Variants in MGAT4C observed in about 807,000 individuals in gnomAD.
MGAT4C encodes MGAT4 family member C.
A neutral mutation model predicts 40.1 loss-of-function variants in MGAT4C; 19 were observed. The observed-to-expected ratio is 0.47, with a 90% CI of 0.33 to 0.70. The LOEUF (loss-of-function observed/expected upper bound fraction) is 0.70. Among genes scored for constraint, MGAT4C ranks in the 30% least tolerant of loss-of-function variants. The pLI, the probability that MGAT4C is intolerant of heterozygous loss-of-function variation, is 0.02. For missense variants in MGAT4C, 491 were observed against 563.2 expected, an observed-to-expected ratio of 0.87 and a Z score of 1.30; for synonymous variants, 181 against 187.1, an observed-to-expected ratio of 0.97 and a Z score of 0.27.
intron 2 of MGAT4C, among the ~76,000 whole-genome samples, chr12:86,550,637 A>C (rs1325069470): frequency 6.6e-6 from 1 of 152,172 alleles, no homozygotes; most frequent in East Asian, 1.9e-4. Flanking sequence ...CACTGTGCTA[A>C]GCTTGGCCCA....
intron 3 of MGAT4C, among the ~76,000 whole-genome samples, chr12:86,338,236 G>A (rs1442659209): frequency 6.6e-6 from 1 of 152,154 alleles, no homozygotes; most frequent in African/African-American, 2.4e-5. Context: ...CAGGGATGAA[G>A]TCATAGGGAG....
At chr12:86,478,642 T>C (rs571283740) in intron 2 of MGAT4C, among the ~76,000 whole-genome samples, 3 of 152,246 alleles carry the variant, frequency 2.0e-5, no homozygotes, top group East Asian at 3.9e-4. Context: ...TTACTGCCCA[T>C]GGCAATTCAA....
At chr12:86,500,956 T>C (rs1290435825) in intron 2 of MGAT4C, among the ~76,000 whole-genome samples, 1 of 152,038 alleles carries the variant, frequency 6.6e-6, no homozygotes, top group African/African-American at 2.4e-5. Flanking sequence ...AAAAATGAAA[T>C]AGATAATAGT....
At chr12:86,183,802 C>T (rs1888404140) in intron 1 of MGAT4C, among the ~76,000 whole-genome samples, 1 of 152,138 alleles carries the variant, frequency 6.6e-6, no homozygotes, top group East Asian at 1.9e-4. Flanking sequence ...TTATAAAGCC[C>T]TAAATTCTAT....
intron 4 of MGAT4C, among the ~76,000 whole-genome samples, chr12:86,270,957 G>A (rs1328989879): frequency 1.3e-5 from 2 of 152,028 alleles, no homozygotes; most frequent in Admixed American, 6.5e-5. Flanking sequence ...AAAAATTGGA[G>A]AGCCAAATGC....
chr12:86,138,570 A>T (rs1882353057), intron 1 of MGAT4C, among the ~76,000 whole-genome samples: 1 of 147,794 alleles, frequency 6.8e-6, no homozygotes, highest in Non-Finnish European at 1.5e-5. Context: ...ATATTTCCAT[A>T]GATATATCAT....
intron 1 of MGAT4C, among the ~76,000 whole-genome samples, chr12:86,800,247 T>C (rs571149500): frequency 6.6e-6 from 1 of 151,934 alleles, no homozygotes; most frequent in South Asian, 2.1e-4. Flanking sequence ...TGGCTCCAAC[T>C]CTCACTAAAG....
At chr12:86,790,628 T>G (rs2136192456) in intron 1 of MGAT4C, among the ~76,000 whole-genome samples, 1 of 152,224 alleles carries the variant, frequency 6.6e-6, no homozygotes, top group African/African-American at 2.4e-5. Flanking sequence ...AAGGTATATC[T>G]CTGAAACCAT....
intron 2 of MGAT4C, among the ~76,000 whole-genome samples, chr12:86,553,228 A>G (rs1959450451): frequency 6.6e-6 from 1 of 152,062 alleles, no homozygotes; most frequent in Non-Finnish European, 1.5e-5. Context: ...AAATTCTATT[A>G]ATTCTAATTG....
At chr12:86,260,521 T>C (rs1211382683), upstream of MGAT4C, among the ~76,000 whole-genome samples, 1 of 152,166 alleles carries the variant, frequency 6.6e-6, no homozygotes, top group African/African-American at 2.4e-5. Flanking sequence ...AATTTCCTAA[T>C]AGAAAGAAAC....
chr12:86,446,548 G>A (rs1300032547), intron 2 of MGAT4C, among the ~76,000 whole-genome samples: 1 of 149,712 alleles, frequency 6.7e-6, no homozygotes, highest in African/African-American at 2.4e-5. Context: ...TTGTCTTATT[G>A]CTTTTTTACT....
intron 1 of MGAT4C, among the ~76,000 whole-genome samples, chr12:86,125,893 T>C (rs758856821): frequency 6.6e-6 from 1 of 151,990 alleles, no homozygotes. Flanking sequence ...AAAATTTCTA[T>C]TGGAAATCAG....
At chr12:86,836,288 C>T (rs924571301) in intron 1 of MGAT4C, among the ~76,000 whole-genome samples, 2 of 151,966 alleles carry the variant, frequency 1.3e-5, no homozygotes, top group African/African-American at 4.8e-5. Context: ...ATGTTTCATA[C>T]CTATAATGCA....
chr12:86,160,625 C>CAA (rs1885489672), intron 1 of MGAT4C, among the ~76,000 whole-genome samples: 1 of 151,898 alleles, frequency 6.6e-6, no homozygotes, highest in Non-Finnish European at 1.5e-5. Context: ...TCTAGAGTTT[C>CAA]CTTGTTAGTT....
chr12:86,585,716 C>T (rs749279552), intron 2 of MGAT4C, among the ~76,000 whole-genome samples: 1 of 143,858 alleles, frequency 7.0e-6, no homozygotes, highest in Non-Finnish European at 1.5e-5. Flanking sequence ...CAAATAGGCT[C>T]CATGTTTTAT....
At chr12:86,500,714 T>C (rs888263306) in intron 2 of MGAT4C, among the ~76,000 whole-genome samples, 4 of 152,040 alleles carry the variant, frequency 2.6e-5, no homozygotes, top group African/African-American at 9.7e-5. Flanking sequence ...ATGTACTGTT[T>C]ACTTTATCCA....
intron 1 of MGAT4C, among the ~76,000 whole-genome samples, chr12:86,764,374 G>A (rs1195613825): frequency 1.3e-5 from 2 of 152,174 alleles, no homozygotes; most frequent in African/African-American, 2.4e-5. Flanking sequence ...CTCGAACTGG[G>A]TGGAGCCCAC....
At chr12:86,273,610 TG>T (rs1953000370) in intron 4 of MGAT4C, among the ~76,000 whole-genome samples, 1 of 152,152 alleles carries the variant, frequency 6.6e-6, no homozygotes, top group Non-Finnish European at 1.5e-5. Context: ...AGATGAGACC[TG>T]GAGTCACAAT....
At chr12:86,732,300 G>C (rs780823378) in intron 1 of MGAT4C, among the ~76,000 whole-genome samples, 16 of 152,092 alleles carry the variant, frequency 1.1e-4, no homozygotes, top group Non-Finnish European at 1.9e-4. Context: ...GACTGGTTTC[G>C]TGGAAAACAA....
Sources: gnomAD v4.1 joint callset for allele counts (sites outside exome capture counted in the v4.1 genomes callset) on GRCh38, gnomAD v4.1.1 for gene constraint, MANE v1.5 for transcripts, NCBI Gene and HGNC (gene_info 2026-07-23, HGNC 2026-07-21) for gene names.